Variants in PDE4B observed in about 807,000 individuals in gnomAD.
The protein encoded by PDE4B is phosphodiesterase 4B.
PDE4B carries 20 observed loss-of-function variants against 82.2 expected under a neutral mutation model. The observed-to-expected ratio is 0.24, with a 90% confidence interval of 0.17 to 0.35. The LOEUF (loss-of-function observed/expected upper bound fraction) is 0.35, where lower values mean the gene tolerates loss of function less well. PDE4B is among the 10% of genes least tolerant of loss of function. The pLI, the probability that PDE4B is intolerant of heterozygous loss-of-function variation, is 1.00. For missense variants in PDE4B, 655 were observed against 907.2 expected (o/e 0.72, Z 3.57); for synonymous variants, 320 against 318.9 (o/e 1.00, Z -0.04).
chr1:65,837,596 A>G (rs1281488036), intron 1 of PDE4B, among the ~76,000 whole-genome samples: 2 of 152,212 alleles, frequency 1.3e-5, no homozygotes. Flanking sequence ...CGACAGAGCA[A>G]GACTCCATCT....
rs910192351 is a variant in PDE4B, at chr1:66,253,489, G to T, written c.477-4158G>T. 2.6e-5 allele frequency among the ~76,000 whole-genome samples: 4 copies of T among 152,170 alleles called. No individual in the cohort carries two copies. The East Asian group carries it at 7.7e-4, about 29-fold the overall frequency. On this transcript the variant is annotated intron_variant, in intron 4 of 16. Coordinates refer to ENST00000341517, the MANE Select transcript of PDE4B (RefSeq NM_002600.4). ...TCGTTATTCTACAAATTTGTAATGT[G>T]CTGGCTTTGTCACTAGATGTTGCTC...
At chr1:65,903,692 C>A (rs898677808) in intron 1 of PDE4B, among the ~76,000 whole-genome samples, 1 of 152,142 alleles carries the variant, frequency 6.6e-6, no homozygotes, top group Non-Finnish European at 1.5e-5. Flanking sequence ...CCTTTATGTT[C>A]TATCAAAACA....
intron 3 of PDE4B, among the ~76,000 whole-genome samples, chr1:66,095,486 C>A (rs1373016081): frequency 6.6e-6 from 1 of 151,822 alleles, no homozygotes; most frequent in Non-Finnish European, 1.5e-5. Flanking sequence ...AAATCAGGTT[C>A]CCTGATTATT....
In PDE4B at chr1:66,365,548, T is replaced by G. The variant is rs951332473; in HGVS notation, c.1285-119T>G. The G allele has an allele frequency of 1.2e-4, 67 of 565,812 alleles. No homozygotes were observed. In the Admixed American group the frequency reaches 1.8e-3, roughly 15 times the overall value. The allele number at this position is 565,812 out of a possible 1,614,324, so 35.0% of individuals were successfully genotyped here. A position where few individuals can be genotyped will look rare whatever the true frequency, so the allele number is the denominator to read the frequency against. Reference sequence around the variant, plus strand: ...TTACTTAAATTAGTATATTGAGATATTACATAAATCAACAATCCCTCTCCC... The same window carrying G: ...TTACTTAAATTAGTATATTGAGATAGTACATAAATCAACAATCCCTCTCCC... On this transcript the variant is annotated intron_variant, in intron 12 of 16. Transcript: ENST00000341517.
chr1:66,015,224 G>A (rs1263122027), intron 3 of PDE4B, among the ~76,000 whole-genome samples: 2 of 152,078 alleles, frequency 1.3e-5, no homozygotes, highest in Non-Finnish European at 2.9e-5. Flanking sequence ...TTGATCATAA[G>A]AATTGGAGTC....
chr1:66,237,596 C>T (rs925258029), intron 3 of PDE4B, among the ~76,000 whole-genome samples: 1 of 152,112 alleles, frequency 6.6e-6, no homozygotes, highest in Non-Finnish European at 1.5e-5. Context: ...GAAATAAATG[C>T]AGAGTAATAA....
At chr1:66,370,791 G>C (rs1282738995) in intron 16 of PDE4B, among the ~76,000 whole-genome samples, 1 of 151,988 alleles carries the variant, frequency 6.6e-6, no homozygotes, top group Non-Finnish European at 1.5e-5. Context: ...CCATTACCTT[G>C]AGCTTGTTAT....
chr1:66,312,085 CT>C (rs1300704165), intron 7 of PDE4B, among the ~76,000 whole-genome samples: 1 of 152,208 alleles, frequency 6.6e-6, no homozygotes, highest in Non-Finnish European at 1.5e-5. Flanking sequence ...AAAGCAGCTC[CT>C]TTTAAACACT....
chr1:66,156,121 C>T (rs761670671), intron 3 of PDE4B, among the ~76,000 whole-genome samples: 1 of 152,098 alleles, frequency 6.6e-6, no homozygotes, highest in African/African-American at 2.4e-5. Context: ...ATATAGTAAA[C>T]ATTTGATATA....
At chr1:66,190,073 G>A (rs920044775) in intron 3 of PDE4B, among the ~76,000 whole-genome samples, 12 of 152,162 alleles carry the variant, frequency 7.9e-5, no homozygotes, top group Non-Finnish European at 1.3e-4. Context: ...TCAGCTGCAC[G>A]TCTGTTGGAG....
chr1:65,893,364 A>G (rs1646872749), intron 1 of PDE4B, among the ~76,000 whole-genome samples: 1 of 152,120 alleles, frequency 6.6e-6, no homozygotes. Context: ...ACAGCCAACA[A>G]ACATGAAAAA....
intron 3 of PDE4B, among the ~76,000 whole-genome samples, chr1:66,237,245 G>T (rs1170263235): frequency 3.3e-5 from 5 of 152,132 alleles, no homozygotes; most frequent in Admixed American, 1.3e-4. Flanking sequence ...AACATTTGGA[G>T]GCCAGATGTT....
At position 65,845,835 on chromosome 1, in the gene PDE4B, G is replaced by A. The variant is rs544338677; in HGVS notation, c.-71+52587G>A. On this transcript the variant is annotated intron_variant, in intron 1 of 16. Coordinates refer to ENST00000341517, the MANE Select transcript of PDE4B (RefSeq NM_002600.4). ...CTTAAGTTCTGCATCTCCTTTCTCC[G>A]GATGGGTGTCTCATTACAGGAAACC... Among the ~76,000 whole-genome samples the A allele has an allele frequency of 3.0e-4, 46 of 152,092 alleles. 1 individual carries two copies. Among genetic ancestry groups the A allele is most frequent in the African/African-American group, 9.2e-4 (38 of 41,508 alleles).
chr1:65,979,459 A>G lies in PDE4B; in HGVS notation c.281+60624A>G, dbSNP rs567058592. On this transcript the variant is annotated intron_variant, in intron 3 of 16. Coordinates refer to ENST00000341517, the MANE Select transcript of PDE4B (RefSeq NM_002600.4). ...CTTCTGTCTAGTGAAATGTGTTCCCACTAAGGAATAGAGAATTGCAATATT... is the reference window on the plus strand; with the variant it reads ...CTTCTGTCTAGTGAAATGTGTTCCCGCTAAGGAATAGAGAATTGCAATATT... Among the ~76,000 whole-genome samples the G allele has an allele frequency of 6.6e-5, 10 of 152,312 alleles. No homozygotes were observed. In the East Asian group the frequency reaches 1.2e-3, roughly 18 times the overall value.
At chr1:65,910,951 A>G (rs894596436) in intron 1 of PDE4B, among the ~76,000 whole-genome samples, 2 of 152,106 alleles carry the variant, frequency 1.3e-5, no homozygotes, top group African/African-American at 4.8e-5. Flanking sequence ...TTTGTCTTAT[A>G]TAACATATAT....
In PDE4B at chr1:66,235,549, C is replaced by A. The variant is rs1652341648; in HGVS notation, c.282-11911C>A. Among the ~76,000 whole-genome samples the A allele has an allele frequency of 2.6e-5, 4 of 151,870 alleles. No homozygotes were observed. The South Asian group carries it at 8.3e-4, about 32-fold the overall frequency. On this transcript the variant is annotated intron_variant, in intron 3 of 16. Coordinates refer to ENST00000341517, the MANE Select transcript of PDE4B (RefSeq NM_002600.4). ...GATGATTAGTGTTATCATAGTTTAT[C>A]TTTTTTCATTCTTTTCCTTTTAACC...
At chr1:65,925,342 T>A (rs1200119746) in intron 3 of PDE4B, among the ~76,000 whole-genome samples, 1 of 152,024 alleles carries the variant, frequency 6.6e-6, no homozygotes, top group African/African-American at 2.4e-5. Flanking sequence ...TTAAAAAAAA[T>A]TCCTTACTAC....
At chr1:66,079,818 C>A (rs1656630885) in intron 3 of PDE4B, among the ~76,000 whole-genome samples, 1 of 152,074 alleles carries the variant, frequency 6.6e-6, no homozygotes, top group South Asian at 2.1e-4. Flanking sequence ...TATTAAAATA[C>A]AATTTGTTAA....
At chr1:66,165,655 G>C (rs1318963188) in intron 3 of PDE4B, among the ~76,000 whole-genome samples, 1 of 151,808 alleles carries the variant, frequency 6.6e-6, no homozygotes, top group Admixed American at 6.6e-5. Context: ...GCATCAAAAA[G>C]AATAAAATAT....
Sources: allele counts gnomAD v4.1 joint callset (sites outside exome capture counted in the v4.1 genomes callset), GRCh38; gene constraint gnomAD v4.1.1; transcripts MANE v1.5; gene names NCBI Gene and HGNC (gene_info 2026-07-23, HGNC 2026-07-21).